HK2: variants seen among roughly 807,000 people sequenced by gnomAD.
The protein encoded by HK2 is hexokinase 2.
A neutral mutation model predicts 92.9 loss-of-function variants in HK2; 42 were observed. The observed-to-expected ratio is 0.45, with a 90% CI of 0.35 to 0.58. The LOEUF (loss-of-function observed/expected upper bound fraction) is 0.58, where lower values mean the gene tolerates loss of function less well. HK2 is among the 20% of genes least tolerant of loss of function. HK2 has a pLI of 0.00. For missense variants in HK2, 978 were observed against 1,245.1 expected (o/e 0.79, Z 3.23); for synonymous variants, 422 against 468.0 (o/e 0.90, Z 1.27).
chr2:74,878,536 C>T (rs572015850), intron 8 of HK2, 152 bp from the exon 9 acceptor site: 791 of 716,094 alleles, frequency 1.1e-3, no homozygotes, highest in Non-Finnish European at 9.7e-4. Context: ...TCCTCCTGCC[C>T]CTGCACAGGT....
intron 1 of HK2, among the ~76,000 whole-genome samples, chr2:74,843,216 C>A (rs1410967482): frequency 1.3e-5 from 2 of 152,138 alleles, no homozygotes; most frequent in Non-Finnish European, 2.9e-5. Context: ...CCCTGGGCAT[C>A]CTGGGATTTG....
In HK2 at chr2:74,889,338, C is replaced by T; in HGVS notation, c.2469C>T (p.Cys823=). 6.2e-7 allele frequency: 1 copy of T among 1,614,220 alleles called. No individual in the cohort carries two copies. The highest frequency in any genetic ancestry group is 8.5e-7 in the Non-Finnish European group (1 of 1,180,026). Residue 823 remains cysteine, a synonymous_variant, in exon 17 of 18, where the codon TGC becomes TGT. Transcript: ENST00000290573. ...CDDSIIVKEV[C]TVVARRAAQL... ...ACAGCATCATTGTTAAGGAGGTGTGCACTGTGGTGGCCCGGCGGGCAGCCC... is the reference window on the plus strand; with the variant it reads ...ACAGCATCATTGTTAAGGAGGTGTGTACTGTGGTGGCCCGGCGGGCAGCCC...
intron 1 of HK2, among the ~76,000 whole-genome samples, chr2:74,851,436 C>T (rs763631145): frequency 6.6e-6 from 1 of 152,246 alleles, no homozygotes; most frequent in Non-Finnish European, 1.5e-5. Context: ...TAACTCGATT[C>T]TTCAAGGGTT....
intron 1 of HK2, among the ~76,000 whole-genome samples, chr2:74,838,661 C>G (rs947324574): frequency 6.6e-6 from 1 of 151,892 alleles, no homozygotes; most frequent in South Asian, 2.1e-4. Flanking sequence ...GCCTCAGCCT[C>G]CCGAGTAGCT....
rs1411222476 is a variant in HK2 at position 74,886,311 on chromosome 2, G to T, written c.1953G>T (p.Val651=). ...IHRREEFDLD[V]VAVVNDTVGT... is the part of the protein sequence containing the mutation. ...CCTCTCAGGAGTTTGACCTGGATGT[G>T]GTTGCTGTGGTGAACGACACAGTCG... is the stretch of plus-strand genomic sequence containing the variant. Residue 651 remains valine, a synonymous_variant, in exon 14 of 18, where the codon GTG becomes GTT. Coordinates refer to ENST00000290573, the MANE Select transcript of HK2 (RefSeq NM_000189.5). 2.5e-6 allele frequency: 4 copies of T among 1,614,026 alleles called. No homozygotes were observed. In the African/African-American group the frequency reaches 5.3e-5, roughly 22 times the overall value.
intron 17 of HK2, 44 bp downstream of exon 17, chr2:74,889,522 CTTTG>C (rs1452827415): frequency 7.9e-6 from 10 of 1,272,614 alleles, no homozygotes; most frequent in Non-Finnish European, 1.1e-5. Flanking sequence ...TTCTTTCTGT[CTTTG>C]TTCTTTCCCT....
Position 74,882,175 on chromosome 2 carries a change from AGG to A in HK2, c.1777_1778del (p.Gly593ArgfsTer55). On this transcript the variant is annotated frameshift_variant, in exon 12 of 18. Coordinates refer to ENST00000290573, the MANE Select transcript of HK2 (RefSeq NM_000189.5). LOFTEE classifies it high-confidence loss of function. ...GACTTCCTCGAGTACATGGGCATGA[AGG>A]GCGTGTCCCTGCCTCTGGGTTTTAC... The A allele has an allele frequency of 6.2e-7, 1 of 1,614,164 alleles. No individual in the cohort carries two copies. Among genetic ancestry groups the A allele is most frequent in the East Asian group, 2.2e-5 (1 of 44,876 alleles).
chr2:74,849,861 G>A (rs1314161029), intron 1 of HK2, among the ~76,000 whole-genome samples: 2 of 152,200 alleles, frequency 1.3e-5, no homozygotes, highest in African/African-American at 2.4e-5. Context: ...ACTAGGATTT[G>A]CATACTGGTG....
intron 1 of HK2, among the ~76,000 whole-genome samples, chr2:74,845,281 C>T (rs895516018): frequency 1.3e-5 from 2 of 152,200 alleles, no homozygotes; most frequent in Non-Finnish European, 2.9e-5. Context: ...CTCCTTTATC[C>T]CAGTATCCTC....
At chr2:74,852,534 A>T (rs1436289028) in intron 1 of HK2, among the ~76,000 whole-genome samples, 2 of 152,172 alleles carry the variant, frequency 1.3e-5, no homozygotes, top group Non-Finnish European at 2.9e-5. Flanking sequence ...TGGTTCCCAG[A>T]TATTGTAGGA....
In HK2 at chr2:74,885,535, C is replaced by T. The variant is rs144608803; in HGVS notation, c.1881C>T (p.Gly627=). 2.4e-4 allele frequency: 388 copies of T among 1,613,950 alleles called. No individual in the cohort carries two copies. The highest frequency in any genetic ancestry group is 3.2e-4 in the Non-Finnish European group (372 of 1,179,892). ...LKWTKGFKAS[G]CEGEDVVTLL... ...GGACAAAAGGCTTCAAGGCATCTGG[C>T]TGCGAGGGCGAGGACGTGGTGACCC... Residue 627 remains glycine, a synonymous_variant, in exon 13 of 18, where the codon GGC becomes GGT. Transcript: ENST00000290573.
chr2:74,852,602 C>T (rs1229588117), intron 1 of HK2, among the ~76,000 whole-genome samples: 1 of 151,994 alleles, frequency 6.6e-6, no homozygotes, highest in African/African-American at 2.4e-5. Context: ...TGCCCCACAG[C>T]CCTGGAGGTT....
chr2:74,882,310 G>GC, intron 12 of HK2, 71 bp downstream of exon 12: 1 of 1,608,322 alleles, frequency 6.2e-7, no homozygotes, highest in Non-Finnish European at 8.5e-7. Context: ...CAGGTATGGA[G>GC]CAGGGGAGAA....
At chr2:74,835,647 G>T (rs898756093) in intron 1 of HK2, among the ~76,000 whole-genome samples, 1 of 152,224 alleles carries the variant, frequency 6.6e-6, no homozygotes, top group African/African-American at 2.4e-5. Context: ...AGGGCCAGGG[G>T]CGCGCTCAGA....
chr2:74,836,947 C>G (rs1046407082), intron 1 of HK2, among the ~76,000 whole-genome samples: 2 of 152,192 alleles, frequency 1.3e-5, no homozygotes, highest in Admixed American at 6.5e-5. Flanking sequence ...CTTGGGTTCA[C>G]CTGCCCAACG....
rs557768926 is a variant in HK2, at chr2:74,885,885, C to A, written c.1935+296C>A. The stretch of plus-strand genomic sequence containing the variant: ...ACACACACACACACACACACACACA[C>A]AGTAAAGGAATAAAAGAATGGCCAC... On this transcript the variant is annotated intron_variant, in intron 13 of 17. Coordinates refer to ENST00000290573, the MANE Select transcript of HK2 (RefSeq NM_000189.5). 7.3e-3 allele frequency among the ~76,000 whole-genome samples: 1,090 copies of A among 148,524 alleles called. 15 individuals are homozygous for A. The highest frequency in any genetic ancestry group is 0.026 in the African/African-American group (1,031 of 39,406).
chr2:74,882,513 A>G (rs1689423915), intron 12 of HK2, among the ~76,000 whole-genome samples: 1 of 149,668 alleles, frequency 6.7e-6, no homozygotes, highest in Admixed American at 6.7e-5. Flanking sequence ...CTGTAATCTC[A>G]GCACTTTGGG....
chr2:74,840,249 G>A lies in HK2; in HGVS notation c.63+5606G>A, dbSNP rs767926456. Among the ~76,000 whole-genome samples the A allele has an allele frequency of 4.0e-5, 6 of 151,174 alleles. No homozygotes were observed. In the South Asian group the frequency reaches 1.3e-3, roughly 32 times the overall value. On this transcript the variant is annotated intron_variant, in intron 1 of 17. Transcript: ENST00000290573. ...TGGGATTACTTTGGCGTGAGCCACCGCGCCAGGCATTTTTTTTTTTTTTTT... is the reference window on the plus strand; with the variant it reads ...TGGGATTACTTTGGCGTGAGCCACCACGCCAGGCATTTTTTTTTTTTTTTT...
Position 74,885,592 on chromosome 2 carries a change from A to T in HK2, c.1935+3A>T. The stretch of plus-strand genomic sequence containing the variant: ...AGGAAGCGATCCACCGGCGAGAGGT[A>T]GGAGACACATGGCACGAGGTCTGAT... On this transcript the variant is annotated splice_donor_region_variant and intron_variant, in intron 13 of 17. Coordinates refer to ENST00000290573, the MANE Select transcript of HK2 (RefSeq NM_000189.5). 1 of 1,602,378 alleles carries T rather than the reference A, an allele frequency of 6.2e-7. No individual in the cohort carries two copies. Among genetic ancestry groups the T allele is most frequent in the Non-Finnish European group, 8.6e-7 (1 of 1,169,306 alleles).
Sources: gnomAD v4.1 joint callset for allele counts (sites outside exome capture counted in the v4.1 genomes callset) on GRCh38, gnomAD v4.1.1 for gene constraint, MANE v1.5 for transcripts, NCBI Gene and HGNC (gene_info 2026-07-23, HGNC 2026-07-21) for gene names.